The following KDM1B variants were observed in gnomAD, a reference collection of about 807,000 sequenced individuals.
The protein encoded by KDM1B is lysine demethylase 1B.
Under a neutral mutation model 107.4 loss-of-function variants are expected in KDM1B, and 63 were observed. That is an observed-to-expected ratio of 0.59 (90% confidence interval 0.48 to 0.72). The LOEUF (loss-of-function observed/expected upper bound fraction) is 0.72. Ranked by LOEUF, KDM1B falls within the 30% of genes least tolerant of loss-of-function variation. KDM1B has a pLI of 0.00. For synonymous variants in KDM1B, 363 were observed against 363.9 expected, an observed-to-expected ratio of 1.00 and a Z score of 0.03; for missense variants, 749 against 1,020.8, an observed-to-expected ratio of 0.73 and a Z score of 3.63.
At chr6:18,173,834 G>A (rs1785818056) in intron 7 of KDM1B, among the ~76,000 whole-genome samples, 1 of 152,118 alleles carries the variant, frequency 6.6e-6, no homozygotes, top group South Asian at 2.1e-4. Context: ...TGCCCAGGCT[G>A]GAGTGCAGTG....
intron 7 of KDM1B, among the ~76,000 whole-genome samples, chr6:18,178,839 G>T (rs1289658458): frequency 1.3e-5 from 2 of 152,152 alleles, no homozygotes; most frequent in African/African-American, 2.4e-5. Context: ...ATTCCTTTGG[G>T]TTGTCTGCAA....
chr6:18,208,603 G>GTGTGTGTATATATA (rs1359166965), intron 17 of KDM1B, among the ~76,000 whole-genome samples: 2 of 34,896 alleles, frequency 5.7e-5, no homozygotes, highest in African/African-American at 1.2e-4. Context: ...GTATGTGTAT[G>GTGTGTGTATATATA]TATATATATA....
In KDM1B at chr6:18,213,652, G is replaced by T; in HGVS notation, c.1984-4G>T. 1 of 1,613,976 alleles carries T rather than the reference G, an allele frequency of 6.2e-7. No homozygotes were observed. Among genetic ancestry groups the T allele is most frequent in the Middle Eastern group, 1.6e-4 (1 of 6,062 alleles). ...TAACCACCTTTCTTCTGCTCACTTT[G>T]CAGATTGCCTTGCAATTTCCGTATA... is the stretch of plus-strand genomic sequence containing the variant. On this transcript the variant is annotated splice_polypyrimidine_tract_variant and splice_region_variant and intron_variant, in intron 18 of 21. Transcript: ENST00000650836. This position sits in a 1 kb window ranked among gnomAD's most constrained non-coding sequence, Gnocchi z 5.9.
chr6:18,176,545 G>A (rs1786023154), intron 7 of KDM1B, among the ~76,000 whole-genome samples: 2 of 152,224 alleles, frequency 1.3e-5, no homozygotes, highest in Admixed American at 6.5e-5. Flanking sequence ...GTCTCAGAGG[G>A]AATGCTTTCA....
intron 7 of KDM1B, among the ~76,000 whole-genome samples, chr6:18,178,518 G>T (rs12191067): frequency 6.6e-6 from 1 of 151,898 alleles, no homozygotes; most frequent in South Asian, 2.1e-4. Context: ...TCAGCCTCCC[G>T]AGTAGCAGGG....
In KDM1B at chr6:18,198,713, A is replaced by G. The variant is rs146362774; in HGVS notation, c.1221+1052A>G. 1.7e-3 allele frequency among the ~76,000 whole-genome samples: 252 copies of G among 151,416 alleles called. 1 individual carries two copies. The highest frequency in any genetic ancestry group is 5.4e-3 in the African/African-American group (223 of 41,350). ...TGACCCACTGCTCCAGGCCTAGCAC[A>G]TGTTTCAGTTGATTGTTTATTTCAG... On this transcript the variant is annotated intron_variant, in intron 12 of 21. Transcript: ENST00000650836.
At chr6:18,221,864 C>T (rs1485712141) in intron 21 of KDM1B, 45 bp from the exon 22 acceptor site, 2 of 1,417,672 alleles carry the variant, frequency 1.4e-6, no homozygotes, top group African/African-American at 1.8e-5. Context: ...TTGATATCAA[C>T]TCAACTCTAT....
At chr6:18,187,681 A>G (rs773326611) in intron 8 of KDM1B, 111 bp from the exon 9 acceptor site, 52 of 713,332 alleles carry the variant, frequency 7.3e-5, no homozygotes, top group South Asian at 1.4e-4. Flanking sequence ...AAGAAAAAGC[A>G]TAGCGGGTTA....
intron 7 of KDM1B, among the ~76,000 whole-genome samples, chr6:18,174,852 A>G (rs1309910702): frequency 2.6e-5 from 4 of 152,228 alleles, no homozygotes; most frequent in Non-Finnish European, 1.5e-5. Flanking sequence ...ATGTATGTAC[A>G]CATACGCACA....
At chr6:18,188,038 C>G in intron 9 of KDM1B, 36 bp downstream of exon 9, 6 of 1,511,202 alleles carry the variant, frequency 4.0e-6, no homozygotes, top group Non-Finnish European at 5.4e-6. Context: ...GCTTTCTATT[C>G]CCCGCTCCCC....
At chr6:18,181,884 C>G (rs566187504) in intron 7 of KDM1B, among the ~76,000 whole-genome samples, 107 of 152,210 alleles carry the variant, frequency 7.0e-4, no homozygotes, top group African/African-American at 2.4e-3. Flanking sequence ...ACTTCCTTTT[C>G]TTCTCTCCCA....
intron 17 of KDM1B, among the ~76,000 whole-genome samples, chr6:18,210,723 C>T (rs1292059693): frequency 2.0e-5 from 3 of 151,274 alleles, no homozygotes; most frequent in Non-Finnish European, 4.4e-5. Context: ...GATTTGTGGG[C>T]GTGGGTGGCT....
intron 9 of KDM1B, among the ~76,000 whole-genome samples, chr6:18,189,629 T>C (rs1582146867): frequency 6.6e-6 from 1 of 152,192 alleles, no homozygotes; most frequent in East Asian, 1.9e-4. Flanking sequence ...GTATTCATGG[T>C]ATTGTACACA....
intron 7 of KDM1B, among the ~76,000 whole-genome samples, chr6:18,176,310 T>C (rs1786005078): frequency 6.6e-6 from 1 of 152,194 alleles, no homozygotes; most frequent in Admixed American, 6.5e-5. Flanking sequence ...ATCTTGTATC[T>C]GGAAACTTTG....
At chr6:18,174,562 C>A (rs970750051) in intron 7 of KDM1B, among the ~76,000 whole-genome samples, 1 of 151,970 alleles carries the variant, frequency 6.6e-6, no homozygotes, top group African/African-American at 2.4e-5. Context: ...CACCCATCAC[C>A]CGAGCAGTAT....
chr6:18,205,478 A>G lies in KDM1B; in HGVS notation c.1532-59A>G. The G allele has an allele frequency of 6.6e-7, 1 of 1,506,882 alleles. No individual in the cohort carries two copies. The highest frequency in any genetic ancestry group is 8.9e-7 in the Non-Finnish European group (1 of 1,120,988). The allele number at this position is 1,506,882 out of a possible 1,614,324, so 93.3% of individuals were successfully genotyped here. Reference sequence around the variant, plus strand: ...TGACAGAGGTTGAAAGCAAAGGAGAAAGAATTGGAGAATCTTGTTAAAGCT... The same window carrying G: ...TGACAGAGGTTGAAAGCAAAGGAGAGAGAATTGGAGAATCTTGTTAAAGCT... On this transcript the variant is annotated intron_variant, in intron 14 of 21. Transcript: ENST00000650836. The surrounding 1 kb of genome is among the most constrained non-coding windows in gnomAD (Gnocchi z 5.7).
At chr6:18,198,076 T>A (rs1219032402) in intron 12 of KDM1B, among the ~76,000 whole-genome samples, 1 of 152,048 alleles carries the variant, frequency 6.6e-6, no homozygotes, top group Non-Finnish European at 1.5e-5. Flanking sequence ...TTTGTATTTT[T>A]AGTAGAGTGG....
Position 18,162,791 on chromosome 6 carries a change from A to T in KDM1B, c.216-44A>T. The T allele has an allele frequency of 9.1e-7, 1 of 1,099,280 alleles. No individual in the cohort carries two copies. The highest frequency in any genetic ancestry group is 1.4e-6 in the Non-Finnish European group (1 of 713,790). 68.1% of individuals were successfully genotyped at this position (1,099,280 alleles called of 1,614,324 possible). A position where few individuals can be genotyped will look rare whatever the true frequency, so the allele number is the denominator to read the frequency against. ...TGTTTTTTAAAAAATGGGAGGAGAA[A>T]TGTTTATTCATTACCAAAGCTATAT... is the stretch of plus-strand genomic sequence containing the variant. On this transcript the variant is annotated intron_variant, in intron 4 of 21. Transcript: ENST00000650836. The surrounding 1 kb of genome is among the most constrained non-coding windows in gnomAD (Gnocchi z 4.1).
rs753693011 is a variant in KDM1B, at chr6:18,204,728, G to T, written c.1532-809G>T. Among the ~76,000 whole-genome samples the T allele has an allele frequency of 1.1e-4, 17 of 152,206 alleles. No homozygotes were observed. Among genetic ancestry groups the T allele is most frequent in the Admixed American group, 3.3e-4 (5 of 15,284 alleles). On this transcript the variant is annotated intron_variant, in intron 14 of 21. Coordinates refer to ENST00000650836, the MANE Select transcript of KDM1B (RefSeq NM_001364614.2). The surrounding 1 kb of genome is among the most constrained non-coding windows in gnomAD (Gnocchi z 4.9). ...GTGGGACAGATAAGTAAGGGCTGGA[G>T]TTGATGACAGGGAGAAATTCTGGGG...
Sources: gnomAD v4.1 joint callset for allele counts (sites outside exome capture counted in the v4.1 genomes callset) on GRCh38, gnomAD v4.1.1 for gene constraint, Gnocchi (gnomAD v3.1) non-coding constraint, MANE v1.5 for transcripts, NCBI Gene and HGNC (gene_info 2026-07-23, HGNC 2026-07-21) for gene names.